The following DPYS variants were observed in gnomAD, a reference collection of about 807,000 sequenced individuals.
The protein encoded by DPYS is dihydropyrimidinase.
DPYS carries 39 observed loss-of-function variants against 50.3 expected under a neutral mutation model. The ratio of observed to expected loss-of-function variants is 0.78; its 90% confidence interval spans 0.60 to 1.01. DPYS has a LOEUF of 1.01. DPYS is among the 50% of genes least tolerant of loss of function. The pLI is 0.00. For synonymous variants in DPYS, 245 were observed against 250.7 expected, an observed-to-expected ratio of 0.98 and a Z score of 0.22; for missense variants, 659 against 680.9, an observed-to-expected ratio of 0.97 and a Z score of 0.36.
intron 8 of DPYS, among the ~76,000 whole-genome samples, chr8:104,390,554 G>C (rs529071399): frequency 1.3e-5 from 2 of 150,796 alleles, no homozygotes; most frequent in East Asian, 3.9e-4. Flanking sequence ...CTGGAGTGCA[G>C]TGGTGTGATC....
At chr8:104,447,158 G>C (rs1355227892) in intron 3 of DPYS, among the ~76,000 whole-genome samples, 166 bp downstream of exon 3, 2 of 152,152 alleles carry the variant, frequency 1.3e-5, no homozygotes, top group Non-Finnish European at 2.9e-5. Context: ...ATGGAGTTGG[G>C]AGTTTCTGAG....
intron 7 of DPYS, among the ~76,000 whole-genome samples, chr8:104,397,217 C>G (rs763346122): frequency 6.6e-6 from 1 of 152,210 alleles, no homozygotes; most frequent in African/African-American, 2.4e-5. Context: ...CTGACCCTGA[C>G]GACATGGGGT....
At chr8:104,406,183 T>C (rs781164620) in intron 7 of DPYS, among the ~76,000 whole-genome samples, 11 of 152,168 alleles carry the variant, frequency 7.2e-5, no homozygotes, top group Admixed American at 6.5e-5. Context: ...GGCTGTAAGC[T>C]CTGCAGTGGT....
In DPYS at chr8:104,412,583, C is replaced by T. The variant is rs2140577232; in HGVS notation, c.1235+11664G>A. 2.6e-5 allele frequency among the ~76,000 whole-genome samples: 4 copies of T among 152,246 alleles called. 1 individual carries two copies. Among genetic ancestry groups the T allele is most frequent in the Admixed American group, 2.6e-4 (4 of 15,290 alleles). On this transcript the variant is annotated intron_variant, in intron 7 of 9. Transcript: ENST00000351513. Reference sequence around the variant, plus strand: ...TGGAAGGGGTCTGGAGCTTTGTTGTCTTCACTTCCTCCCCCATTCATATTC... The same window carrying T: ...TGGAAGGGGTCTGGAGCTTTGTTGTTTTCACTTCCTCCCCCATTCATATTC...
At chr8:104,458,348 T>G (rs367700907) in intron 1 of DPYS, among the ~76,000 whole-genome samples, 325 of 152,302 alleles carry the variant, frequency 2.1e-3, no homozygotes, top group African/African-American at 7.6e-3. Flanking sequence ...ACTCATTCAC[T>G]CCACTCCACT....
intron 3 of DPYS, among the ~76,000 whole-genome samples, chr8:104,445,215 A>G (rs1400776984): frequency 6.6e-6 from 1 of 152,220 alleles, no homozygotes; most frequent in Non-Finnish European, 1.5e-5. Context: ...AAGTTCTTCA[A>G]AAGACTAAAA....
At chr8:104,385,909 A>T (rs894886520) in intron 8 of DPYS, among the ~76,000 whole-genome samples, 7 of 152,344 alleles carry the variant, frequency 4.6e-5, no homozygotes, top group Non-Finnish European at 8.8e-5. Flanking sequence ...ATGTCAGCCA[A>T]TAAATGTCTG....
chr8:104,454,746 G>A (rs948443777), intron 1 of DPYS, among the ~76,000 whole-genome samples: 5 of 152,216 alleles, frequency 3.3e-5, no homozygotes, highest in Admixed American at 2.6e-4. Flanking sequence ...AATTTGCTAA[G>A]CTCCCTAGAA....
chr8:104,383,752 C>T (rs140055104), intron 8 of DPYS, among the ~76,000 whole-genome samples: 1,585 of 152,254 alleles, frequency 0.01, 42 homozygotes, highest in African/African-American at 0.036. Flanking sequence ...CAGGCACACA[C>T]CACCATGGCC....
In DPYS at chr8:104,424,252, G is replaced by A. The variant is rs747494363; in HGVS notation, c.1230C>T (p.Gly410=). 6.2e-7 allele frequency: 1 copy of A among 1,614,036 alleles called. No homozygotes were observed. Among genetic ancestry groups the A allele is most frequent in the Non-Finnish European group, 8.5e-7 (1 of 1,179,980 alleles). Residue 410 remains glycine, a synonymous_variant, in exon 7 of 10, where the codon GGC becomes GGT. Transcript: ENST00000351513. ...ATACAAGAACTTAGACTTACCTTGT[G>A]CCTTTTGGGTCCCAAATAACAATGT... ...DADIVIWDPK[G]TRTISAKTHH...
intron 1 of DPYS, among the ~76,000 whole-genome samples, chr8:104,452,636 G>A (rs1813786723): frequency 1.3e-5 from 2 of 152,172 alleles, no homozygotes; most frequent in African/African-American, 4.8e-5. Flanking sequence ...GAGCCCAGGA[G>A]TTCAAGACTA....
At chr8:104,442,493 T>C (rs533354130) in intron 4 of DPYS, among the ~76,000 whole-genome samples, 2 of 152,210 alleles carry the variant, frequency 1.3e-5, no homozygotes, top group African/African-American at 2.4e-5. Context: ...TCTCATAGCG[T>C]TGGCAACAGC....
intron 4 of DPYS, among the ~76,000 whole-genome samples, chr8:104,440,525 A>G (rs1039066177): frequency 3.9e-5 from 6 of 152,266 alleles, no homozygotes; most frequent in Admixed American, 3.3e-4. Flanking sequence ...CCGGCCTCCC[A>G]AAGTGCTGGG....
At chr8:104,401,288 GT>G (rs1811797761) in intron 7 of DPYS, among the ~76,000 whole-genome samples, 1 of 143,050 alleles carries the variant, frequency 7.0e-6, no homozygotes, top group Non-Finnish European at 1.5e-5. Flanking sequence ...TATGAGGTAG[GT>G]ATTATTATTA....
rs1813460516 is a variant in DPYS at position 104,444,422 on chromosome 8, A to G, written c.619T>C (p.Leu207=). The change falls in exon 4 of 10, where the codon TTG becomes CTG. Residue 207 remains leucine, a synonymous_variant. Coordinates refer to ENST00000351513, the MANE Select transcript of DPYS (RefSeq NM_001385.3). ...DLIAEGAKKM[L]ALGITGPEGH... ...TCAGGGCCTGTTATCCCCAGAGCCA[A>G]CATCTTCTTTGCTCCCTAAAAAGAC... 1 of 1,614,212 alleles carries G rather than the reference A, an allele frequency of 6.2e-7. No homozygotes were observed. Among genetic ancestry groups the G allele is most frequent in the Non-Finnish European group, 8.5e-7 (1 of 1,180,050 alleles).
At position 104,379,656 on chromosome 8, in the gene DPYS, C is replaced by A; in HGVS notation, c.*202G>T. 2 of 339,270 alleles carry A rather than the reference C, an allele frequency of 5.9e-6. No homozygotes were observed. Among genetic ancestry groups the A allele is most frequent in the South Asian group, 2.4e-5 (1 of 41,744 alleles). 21.0% of individuals were successfully genotyped at this position (339,270 alleles called of 1,614,324 possible). Reference sequence around the variant, plus strand: ...TCACAATAATATAAATTTATACCTTCAATCTTATGCAGCAACAAAAACACA... The same window carrying A: ...TCACAATAATATAAATTTATACCTTAAATCTTATGCAGCAACAAAAACACA... On this transcript the variant is annotated 3_prime_UTR_variant, in exon 10 of 10. Transcript: ENST00000351513.
chr8:104,448,838 T>C (rs754335029), intron 2 of DPYS, among the ~76,000 whole-genome samples: 3 of 152,240 alleles, frequency 2.0e-5, no homozygotes, highest in Non-Finnish European at 4.4e-5. Flanking sequence ...TACTCATTGC[T>C]ACCACTGTTT....
chr8:104,401,626 T>C (rs1033869013), intron 7 of DPYS, among the ~76,000 whole-genome samples: 1 of 152,170 alleles, frequency 6.6e-6, no homozygotes, highest in African/African-American at 2.4e-5. Flanking sequence ...TGTTTAGCAG[T>C]AAAGGATTTA....
intron 4 of DPYS, among the ~76,000 whole-genome samples, chr8:104,441,593 G>C (rs1362770805): frequency 6.6e-6 from 1 of 152,230 alleles, no homozygotes; most frequent in Non-Finnish European, 1.5e-5. Context: ...TGGTGCCGAA[G>C]ATGGAGGAAG....
Sources: allele counts gnomAD v4.1 joint callset (sites outside exome capture counted in the v4.1 genomes callset), GRCh38; gene constraint gnomAD v4.1.1; transcripts MANE v1.5; gene names NCBI Gene and HGNC (gene_info 2026-07-23, HGNC 2026-07-21).